Variants in POMT2 observed in about 807,000 individuals in gnomAD.
POMT2 encodes protein O-mannosyltransferase 2.
Under a neutral mutation model 100.0 loss-of-function variants are expected in POMT2, and 75 were observed. The observed-to-expected ratio is 0.75, with a 90% CI of 0.62 to 0.91. The LOEUF (loss-of-function observed/expected upper bound fraction) is 0.91, where lower values mean the gene tolerates loss of function less well. Among genes scored for constraint, POMT2 ranks in the 40% least tolerant of loss-of-function variants. The probability of loss-of-function intolerance (pLI) is 0.00; values close to 1 mark genes in which losing one functional copy is unlikely to be tolerated. For synonymous variants in POMT2, 378 were observed against 374.1 expected (o/e 1.01, Z -0.12); for missense variants, 940 against 955.1 (o/e 0.98, Z 0.21).
chr14:77,295,773 T>C (rs939443149), intron 9 of POMT2, among the ~76,000 whole-genome samples: 1 of 152,088 alleles, frequency 6.6e-6, no homozygotes, highest in Non-Finnish European at 1.5e-5. Context: ...TACCACACTT[T>C]ATTCATCACC....
chr14:77,297,774 C>G (rs1428957492), intron 8 of POMT2, among the ~76,000 whole-genome samples: 3 of 152,160 alleles, frequency 2.0e-5, no homozygotes, highest in African/African-American at 7.2e-5. Context: ...CCTGTGGCTG[C>G]CCCACCATAC....
At chr14:77,320,222 A>G in intron 1 of POMT2, 1 of 755,982 alleles carries the variant, frequency 1.3e-6, no homozygotes, top group East Asian at 2.7e-5. Context: ...TTCCTCAGAT[A>G]CTAAGAATCC....
At chr14:77,312,985 A>G (rs1015364291) in intron 1 of POMT2, among the ~76,000 whole-genome samples, 1 of 152,250 alleles carries the variant, frequency 6.6e-6, no homozygotes, top group South Asian at 2.1e-4. Flanking sequence ...TTGCAAGTAA[A>G]TAAGTGATTT....
chr14:77,275,274 G>A lies in POMT2; in HGVS notation c.*2102C>T, dbSNP rs1446477918. 2 of 152,260 alleles carry A rather than the reference G, an allele frequency of 1.3e-5. No individual in the cohort carries two copies. Among genetic ancestry groups the A allele is most frequent in the African/African-American group, 4.8e-5 (2 of 41,458 alleles). The allele number at this position is 152,260 out of a possible 1,614,324, so 9.4% of individuals were successfully genotyped here. On this transcript the variant is annotated 3_prime_UTR_variant, in exon 21 of 21. Coordinates refer to ENST00000261534, the MANE Select transcript of POMT2 (RefSeq NM_013382.7). ...TTTGGGCATGGAGGAACAGAAAGTG[G>A]GCAGGGAATTCTCCTTGGCTCCTTA...
At chr14:77,294,907 A>C (rs2140214611) in intron 9 of POMT2, among the ~76,000 whole-genome samples, 1 of 152,340 alleles carries the variant, frequency 6.6e-6, no homozygotes, top group Admixed American at 6.5e-5. Context: ...GCAAAGAACA[A>C]ATCTTTGCAA....
At chr14:77,312,243 G>A (rs1477449358) in intron 1 of POMT2, 1 of 724,362 alleles carries the variant, frequency 1.4e-6, no homozygotes, top group East Asian at 3.4e-5. Flanking sequence ...GATGAGAAAG[G>A]CGAGCAAATA....
intron 3 of POMT2, among the ~76,000 whole-genome samples, chr14:77,305,450 C>T (rs1227805538): frequency 1.3e-5 from 2 of 152,184 alleles, no homozygotes; most frequent in African/African-American, 4.8e-5. Flanking sequence ...GTTTGGTTGT[C>T]ACATCCAATT....
At chr14:77,309,773 C>G (rs1891373139) in intron 2 of POMT2, among the ~76,000 whole-genome samples, 1 of 152,146 alleles carries the variant, frequency 6.6e-6, no homozygotes, top group Non-Finnish European at 1.5e-5. Flanking sequence ...ACCTCTACCT[C>G]CCAGGTTCAA....
chr14:77,283,952 C>G, intron 14 of POMT2, 79 bp from the exon 15 acceptor site: 3 of 1,254,764 alleles, frequency 2.4e-6, no homozygotes, highest in East Asian at 2.3e-5. Flanking sequence ...ACATTCCCAC[C>G]AGAATCCAAA....
chr14:77,286,776 G>T lies in POMT2; in HGVS notation c.1300C>A (p.Arg434=), dbSNP rs768256055. Residue 434 remains arginine (R), a synonymous_variant, in exon 12 of 21, where the codon CGG becomes AGG. Transcript: ENST00000261534. ...TAGCCGGTGACCTGATAGTGCTTCC[G>T]GGTCATGGGGGCCTCATGATAGTGA... ...HSHYHEAPMT[R]KHYQVTGYGI... The T allele has an allele frequency of 6.2e-7, 1 of 1,614,102 alleles. No individual in the cohort carries two copies. The highest frequency in any genetic ancestry group is 1.3e-5 in the African/African-American group (1 of 75,014).
At chr14:77,279,188 C>G (rs1445168211) in intron 18 of POMT2, 1 of 449,002 alleles carries the variant, frequency 2.2e-6, no homozygotes, top group East Asian at 4.8e-5. Context: ...TCTTTGCTGC[C>G]ACACAGATCT....
At chr14:77,308,808 C>T (rs994417877) in intron 2 of POMT2, 24 of 447,820 alleles carry the variant, frequency 5.4e-5, no homozygotes, top group Admixed American at 3.3e-4. Context: ...GCATATTCTT[C>T]GATTTTTTAG....
Position 77,304,702 on chromosome 14 carries a change from G to A in POMT2, c.537C>T (p.Leu179=), listed in dbSNP as rs1235285155. 1 of 1,588,374 alleles carries A rather than the reference G, an allele frequency of 6.3e-7. No homozygotes were observed. The highest frequency in any genetic ancestry group is 1.2e-5 in the South Asian group (1 of 86,408). The change falls in exon 4 of 21, where the codon CTC becomes CTT. Residue 179 remains leucine, a synonymous_variant. Transcript: ENST00000261534. ...SLSAALLTAA[L]LTFDTGCLTL... ...GCTAAGACAACTTACCAAAGGTGAGGAGGGCAGCTGTGAGCAGTGCTGCCG... is the reference window on the plus strand; with the variant it reads ...GCTAAGACAACTTACCAAAGGTGAGAAGGGCAGCTGTGAGCAGTGCTGCCG...
At chr14:77,301,735 TG>T (rs1186254583) in intron 5 of POMT2, among the ~76,000 whole-genome samples, 4 of 152,236 alleles carry the variant, frequency 2.6e-5, no homozygotes, top group Non-Finnish European at 5.9e-5. Context: ...CAGAGGATCC[TG>T]TCACTAGGTC....
intron 9 of POMT2, among the ~76,000 whole-genome samples, chr14:77,294,657 CTCTT>C (rs1484746425): frequency 7.2e-5 from 11 of 152,240 alleles, no homozygotes; most frequent in Non-Finnish European, 1.5e-4. Flanking sequence ...CACAAGCTCT[CTCTT>C]TGCCTGCCGC....
chr14:77,277,592 C>T, intron 20 of POMT2, 111 bp from the exon 21 acceptor site: 1 of 888,370 alleles, frequency 1.1e-6, no homozygotes. Flanking sequence ...ATCGCCAAGC[C>T]CGGTTCTCTT....
At chr14:77,305,993 A>T (rs898316660) in intron 3 of POMT2, among the ~76,000 whole-genome samples, 9 of 152,238 alleles carry the variant, frequency 5.9e-5, no homozygotes, top group African/African-American at 1.9e-4. Context: ...GTGCCAGTGC[A>T]TGGAGGCACT....
Position 77,285,612 on chromosome 14 carries a change from AT to A in POMT2, c.1352del (p.Asn451MetfsTer9), listed in dbSNP as rs769202974. 2.5e-6 allele frequency: 4 copies of A among 1,613,022 alleles called. No homozygotes were observed. The highest frequency in any genetic ancestry group is 3.4e-6 in the Non-Finnish European group (4 of 1,179,020). ...GYGINGTGDS[N>X]DFWRIEVVNR... ...TTACGACCTCAATCCGCCAGAAATC[AT>A]TTGAGTCCCCTGTTCCATTCTGCCA... is the stretch of plus-strand genomic sequence containing the variant. On this transcript the variant is annotated frameshift_variant, in exon 13 of 21. Transcript: ENST00000261534. LOFTEE classifies it high-confidence loss of function.
In POMT2 at chr14:77,283,888, T is replaced by G. The variant is rs767061419; in HGVS notation, c.1577-15A>C. 6.3e-7 allele frequency: 1 copy of G among 1,593,220 alleles called. No individual in the cohort carries two copies. Among genetic ancestry groups the G allele is most frequent in the East Asian group, 2.2e-5 (1 of 44,760 alleles). Reference sequence around the variant, plus strand: ...GATGTTTGGCACTAGGGGAAAAAAATGCAGGAGAAAAGCCTTTGTCATACA... The same window carrying G: ...GATGTTTGGCACTAGGGGAAAAAAAGGCAGGAGAAAAGCCTTTGTCATACA... On this transcript the variant is annotated splice_polypyrimidine_tract_variant and intron_variant, in intron 14 of 20. Coordinates refer to ENST00000261534, the MANE Select transcript of POMT2 (RefSeq NM_013382.7).
Sources: allele counts gnomAD v4.1 joint callset (sites outside exome capture counted in the v4.1 genomes callset), GRCh38; gene constraint gnomAD v4.1.1; transcripts MANE v1.5; gene names NCBI Gene and HGNC (gene_info 2026-07-23, HGNC 2026-07-21).